Variants in PRKAR2B observed in about 807,000 individuals in gnomAD.
PRKAR2B encodes the protein protein kinase cAMP-dependent type II regulatory subunit beta, also known as cAMP-dependent protein kinase type II-beta regulatory subunit.
PRKAR2B carries 14 observed loss-of-function variants against 49.9 expected under a neutral mutation model. The ratio of observed to expected loss-of-function variants is 0.28; its 90% CI spans 0.19 to 0.44. The LOEUF (loss-of-function observed/expected upper bound fraction) is 0.44, where lower values mean the gene tolerates loss of function less well. Among genes scored for constraint, PRKAR2B ranks in the 20% least tolerant of loss-of-function variants. The pLI is 1.00. For synonymous variants in PRKAR2B, 196 were observed against 197.7 expected (o/e 0.99, Z 0.07); for missense variants, 393 against 537.9 (o/e 0.73, Z 2.67).
chr7:107,087,326 A>G (rs1794640353), intron 2 of PRKAR2B, among the ~76,000 whole-genome samples: 1 of 152,136 alleles, frequency 6.6e-6, no homozygotes, highest in African/African-American at 2.4e-5. Flanking sequence ...GTGGTGCTGC[A>G]TAACATAAAG....
chr7:107,080,166 G>A (rs1344492807), intron 2 of PRKAR2B, among the ~76,000 whole-genome samples: 1 of 152,138 alleles, frequency 6.6e-6, no homozygotes, highest in Non-Finnish European at 1.5e-5. Context: ...GCTCTCGGAG[G>A]AGCACAGAGG....
At chr7:107,128,063 A>C in intron 3 of PRKAR2B, 149 bp from the exon 4 acceptor site, 1 of 606,350 alleles carries the variant, frequency 1.6e-6, no homozygotes, top group Admixed American at 3.0e-5. Context: ...AGTCACCAAA[A>C]GTGAATCTCA....
At chr7:107,097,585 T>C (rs1794869033) in intron 2 of PRKAR2B, among the ~76,000 whole-genome samples, 1 of 152,228 alleles carries the variant, frequency 6.6e-6, no homozygotes, top group Non-Finnish European at 1.5e-5. Context: ...CATTAGTTGA[T>C]GTTAGTTCCT....
At chr7:107,075,523 C>T (rs532010791) in intron 2 of PRKAR2B, among the ~76,000 whole-genome samples, 1 of 152,148 alleles carries the variant, frequency 6.6e-6, no homozygotes, top group East Asian at 1.9e-4. Context: ...CCTCACCCTC[C>T]CTAGTAACTG....
intron 1 of PRKAR2B, among the ~76,000 whole-genome samples, chr7:107,057,878 A>G (rs138213447): frequency 1.1e-4 from 17 of 152,320 alleles, no homozygotes; most frequent in African/African-American, 3.6e-4. Flanking sequence ...TAAGCTAGAG[A>G]TTGCTCTCAA....
At chr7:107,113,650 T>C (rs1278756962) in intron 2 of PRKAR2B, among the ~76,000 whole-genome samples, 1 of 152,210 alleles carries the variant, frequency 6.6e-6, no homozygotes, top group African/African-American at 2.4e-5. Flanking sequence ...CTCCGAATTA[T>C]TCTTCTCGCT....
At chr7:107,157,092 G>T in intron 9 of PRKAR2B, 43 bp downstream of exon 9, 1 of 1,607,228 alleles carries the variant, frequency 6.2e-7, no homozygotes, top group South Asian at 1.1e-5. Context: ...TGTTAGCAAG[G>T]AACACAACAG....
intron 1 of PRKAR2B, among the ~76,000 whole-genome samples, chr7:107,048,873 A>C (rs1793750450): frequency 6.6e-6 from 1 of 152,248 alleles, no homozygotes; most frequent in South Asian, 2.1e-4. Flanking sequence ...TTTAGATGTT[A>C]GAATGATAGT....
At chr7:107,135,787 A>C (rs2115624237) in intron 4 of PRKAR2B, among the ~76,000 whole-genome samples, 1 of 152,292 alleles carries the variant, frequency 6.6e-6, no homozygotes, top group Non-Finnish European at 1.5e-5. Context: ...TCAAGATGTC[A>C]GTTTTTCCCA....
At chr7:107,102,619 A>G (rs970616821) in intron 2 of PRKAR2B, among the ~76,000 whole-genome samples, 5 of 152,168 alleles carry the variant, frequency 3.3e-5, no homozygotes, top group African/African-American at 1.2e-4. Context: ...CACCAGCATT[A>G]TTAGGTTTTC....
At chr7:107,105,952 C>T (rs2116818613) in intron 2 of PRKAR2B, among the ~76,000 whole-genome samples, 1 of 152,210 alleles carries the variant, frequency 6.6e-6, no homozygotes, top group African/African-American at 2.4e-5. Flanking sequence ...TTTGTAAACT[C>T]CAAAGGCCAT....
chr7:107,071,962 G>T (rs185912318), intron 2 of PRKAR2B, among the ~76,000 whole-genome samples: 1 of 151,682 alleles, frequency 6.6e-6, no homozygotes, highest in Non-Finnish European at 1.5e-5. Context: ...CCAGCTACTC[G>T]GGAGGCTGAG....
chr7:107,073,996 A>G (rs1199132672), intron 2 of PRKAR2B, among the ~76,000 whole-genome samples: 1 of 151,880 alleles, frequency 6.6e-6, no homozygotes, highest in Non-Finnish European at 1.5e-5. Context: ...CTGGAGGTGG[A>G]GGTTACAGTG....
chr7:107,107,293 C>T (rs918191704), intron 2 of PRKAR2B, among the ~76,000 whole-genome samples: 3 of 151,984 alleles, frequency 2.0e-5, no homozygotes, highest in East Asian at 2.0e-4. Flanking sequence ...GCCGACATGG[C>T]GCCATTGCGC....
chr7:107,096,646 G>T (rs1241964415), intron 2 of PRKAR2B, among the ~76,000 whole-genome samples: 5 of 152,200 alleles, frequency 3.3e-5, no homozygotes, highest in East Asian at 1.9e-4. Context: ...TTGTGGGCAT[G>T]TAGTGCTATA....
At chr7:107,062,187 T>A (rs1794039172) in intron 1 of PRKAR2B, among the ~76,000 whole-genome samples, 1 of 152,088 alleles carries the variant, frequency 6.6e-6, no homozygotes, top group Admixed American at 6.5e-5. Context: ...TTAAGAGAAA[T>A]AAAAGTAACA....
intron 2 of PRKAR2B, among the ~76,000 whole-genome samples, chr7:107,106,553 T>C (rs1308467710): frequency 6.6e-6 from 1 of 152,050 alleles, no homozygotes; most frequent in Non-Finnish European, 1.5e-5. Context: ...AAATCACACA[T>C]AGAAAAAGGT....
At chr7:107,090,898 A>G (rs1794722029) in intron 2 of PRKAR2B, among the ~76,000 whole-genome samples, 1 of 152,244 alleles carries the variant, frequency 6.6e-6, no homozygotes. Context: ...GTTATCTTGC[A>G]TATCAGTTCT....
intron 2 of PRKAR2B, among the ~76,000 whole-genome samples, chr7:107,113,014 T>A (rs1308640627): frequency 6.6e-6 from 1 of 152,148 alleles, no homozygotes; most frequent in Non-Finnish European, 1.5e-5. Flanking sequence ...AAATTGCTCA[T>A]CCTAAAGCCA....
Sources: allele counts gnomAD v4.1 joint callset (sites outside exome capture counted in the v4.1 genomes callset), GRCh38; gene constraint gnomAD v4.1.1; transcripts MANE v1.5; gene names NCBI Gene and HGNC (gene_info 2026-07-23, HGNC 2026-07-21).